DCAF1: variants seen among roughly 807,000 people sequenced by gnomAD.
DCAF1 encodes DDB1 and CUL4 associated factor 1, also known as DDB1- and CUL4-associated factor 1.
Under a neutral mutation model 128.0 loss-of-function variants are expected in DCAF1, and 15 were observed. The observed-to-expected ratio is 0.12, with a 90% CI of 0.08 to 0.18. The LOEUF (loss-of-function observed/expected upper bound fraction) is 0.18, where lower values mean the gene tolerates loss of function less well. DCAF1 is among the 10% of genes least tolerant of loss of function. The pLI, the probability that DCAF1 is intolerant of heterozygous loss-of-function variation, is 1.00. For missense variants in DCAF1, 988 were observed against 1,649.5 expected (o/e 0.60, Z 6.95); for synonymous variants, 610 against 603.0 (o/e 1.01, Z -0.17).
chr3:51,434,856 A>G (rs1286564781), intron 9 of DCAF1, among the ~76,000 whole-genome samples: 1 of 152,234 alleles, frequency 6.6e-6, no homozygotes, highest in Non-Finnish European at 1.5e-5. Context: ...TAATCCAAGC[A>G]GCAGGCTGCT....
intron 8 of DCAF1, 73 bp downstream of exon 8, chr3:51,441,312 A>G: frequency 2.0e-6 from 3 of 1,481,162 alleles, no homozygotes; most frequent in Non-Finnish European, 2.7e-6. Flanking sequence ...TGTATAAAAT[A>G]CTACCATAAA....
At chr3:51,411,904 G>A (rs1389494190) in intron 23 of DCAF1, among the ~76,000 whole-genome samples, 1 of 151,748 alleles carries the variant, frequency 6.6e-6, no homozygotes, top group African/African-American at 2.4e-5. Flanking sequence ...GAGGTCAGGA[G>A]GTTCGAGACC....
intron 1 of DCAF1, among the ~76,000 whole-genome samples, chr3:51,499,543 G>T (rs1380584707): frequency 6.6e-6 from 1 of 152,094 alleles, no homozygotes; most frequent in Non-Finnish European, 1.5e-5. Flanking sequence ...AAGAAAACAA[G>T]GGAAATGAAA....
chr3:51,457,056 G>A (rs1038664578), intron 6 of DCAF1, among the ~76,000 whole-genome samples: 10 of 152,228 alleles, frequency 6.6e-5, no homozygotes, highest in South Asian at 4.1e-4. Flanking sequence ...GAACAAAGCT[G>A]GACGGAGAAT....
chr3:51,426,832 GT>G (rs1274522249), intron 13 of DCAF1, among the ~76,000 whole-genome samples: 39 of 150,638 alleles, frequency 2.6e-4, no homozygotes, highest in African/African-American at 9.0e-4. Context: ...TTTCAAAACA[GT>G]TTTATTTCTT....
chr3:51,431,519 C>CAAAAAAAAAA (rs5848921), intron 10 of DCAF1, among the ~76,000 whole-genome samples: 1 of 64,132 alleles, frequency 1.6e-5, no homozygotes. Flanking sequence ...GATTCCGTCT[C>CAAAAAAAAAA]AAAAAAAAAA....
rs1481204080 is a variant in DCAF1 at position 51,434,886 on chromosome 3, CCAA to C, written c.1129-1625_1129-1623del. On this transcript the variant is annotated intron_variant, in intron 9 of 24. Transcript: ENST00000684031. ...GCTGCTTGATGACTCTGAACCTAGG[CCAA>C]CATAGACAGGGCCTTGGGAAAGCTA... Among the ~76,000 whole-genome samples the C allele has an allele frequency of 1.7e-4, 26 of 152,230 alleles. No homozygotes were observed. The South Asian group carries it at 5.0e-3, about 29-fold the overall frequency.
At chr3:51,414,172 G>T in intron 19 of DCAF1, 129 bp from the exon 20 acceptor site, 1 of 1,267,470 alleles carries the variant, frequency 7.9e-7, no homozygotes, top group Non-Finnish European at 1.0e-6. Context: ...TGAGATCAAG[G>T]TAAAACAAAT....
intron 4 of DCAF1, among the ~76,000 whole-genome samples, chr3:51,467,935 C>G (rs1285129860): frequency 1.3e-5 from 2 of 152,162 alleles, no homozygotes; most frequent in Non-Finnish European, 2.9e-5. Context: ...CAAGTCCAAC[C>G]TCTCCTTCCA....
intron 6 of DCAF1, among the ~76,000 whole-genome samples, chr3:51,454,554 G>C (rs1341677440): frequency 6.6e-6 from 1 of 151,840 alleles, no homozygotes; most frequent in Non-Finnish European, 1.5e-5. Flanking sequence ...GTAGAGACAG[G>C]GTTTTGCCAT....
chr3:51,401,056 C>T (rs556782262), intron 24 of DCAF1, among the ~76,000 whole-genome samples: 33 of 150,616 alleles, frequency 2.2e-4, no homozygotes, highest in Admixed American at 4.0e-4. Flanking sequence ...GGCATGAACC[C>T]GGGAGGCGGA....
chr3:51,456,990 C>G (rs1338784570), intron 6 of DCAF1, among the ~76,000 whole-genome samples: 1 of 152,166 alleles, frequency 6.6e-6, no homozygotes, highest in Non-Finnish European at 1.5e-5. Context: ...ACTGGAAACT[C>G]TAAAAATCAG....
chr3:51,399,068 C>T (rs782323900), intron 24 of DCAF1, among the ~76,000 whole-genome samples: 25 of 152,256 alleles, frequency 1.6e-4, no homozygotes, highest in Non-Finnish European at 3.2e-4. Flanking sequence ...AGTTCCCCTG[C>T]TTCCTGCCTG....
chr3:51,419,567 A>T (rs1293271295), intron 15 of DCAF1, among the ~76,000 whole-genome samples, 167 bp downstream of exon 15: 3 of 152,198 alleles, frequency 2.0e-5, no homozygotes, highest in African/African-American at 7.2e-5. Flanking sequence ...GCCAACAATC[A>T]CACAAGGAAC....
At chr3:51,466,399 A>G (rs565940093) in intron 5 of DCAF1, among the ~76,000 whole-genome samples, 1 of 152,302 alleles carries the variant, frequency 6.6e-6, no homozygotes, top group East Asian at 1.9e-4. Flanking sequence ...TCAGGAGCTG[A>G]GTAAAATATG....
At position 51,398,792 on chromosome 3, in the gene DCAF1, T is replaced by C. The variant is rs1553624008; in HGVS notation, c.4501A>G (p.Ile1501Val). 3.1e-6 allele frequency: 5 copies of C among 1,591,342 alleles called. No individual in the cohort carries two copies. In the East Asian group the frequency reaches 9.0e-5, roughly 29 times the overall value. The part of the protein sequence containing the change: ...SSDNSDLEDD[I>V]ILSLNE ...CCTCACTCATTCAGAGATAAGATGA[T>C]GTCATCTTCCAAATCAGAGTTGTCA... Residue 1501 changes from isoleucine to valine, a missense_variant, in exon 25 of 25, where the codon ATC (isoleucine) becomes GTC (valine). Physicochemically the swap from Ile to Val is conservative, Grantham distance 29 (BLOSUM62 3). Coordinates refer to ENST00000684031, the MANE Select transcript of DCAF1 (RefSeq NM_001387579.1).
rs782318876 is a variant in DCAF1 at position 51,483,775 on chromosome 3, C to T, written c.54G>A (p.Leu18=). ...TGCCATGTTCCTTTTCCCACTGCTCCAGCAGGGTAGTGAGCTCAGCTTTGG... is the reference window on the plus strand; with the variant it reads ...TGCCATGTTCCTTTTCCCACTGCTCTAGCAGGGTAGTGAGCTCAGCTTTGG... ...VDSKAELTTL[L]EQWEKEHGSG... is the part of the protein sequence containing the mutation. Residue 18 remains leucine, a synonymous_variant, in exon 3 of 25, where the codon CTG becomes CTA. Coordinates refer to ENST00000684031, the MANE Select transcript of DCAF1 (RefSeq NM_001387579.1). 7 of 1,613,666 alleles carry T rather than the reference C, an allele frequency of 4.3e-6. No individual in the cohort carries two copies. In the Admixed American group the frequency reaches 1.0e-4, roughly 23 times the overall value.
At chr3:51,437,405 T>C (rs1700949803) in intron 9 of DCAF1, 1 of 511,578 alleles carries the variant, frequency 2.0e-6, no homozygotes, top group Non-Finnish European at 3.9e-6. Context: ...TTATCCATGA[T>C]GACTAAGCTG....
intron 23 of DCAF1, 23 bp downstream of exon 23, chr3:51,412,356 A>G (rs781936023): frequency 6.2e-7 from 1 of 1,613,630 alleles, no homozygotes; most frequent in Non-Finnish European, 8.5e-7. Flanking sequence ...GTTCAGCAGA[A>G]AGAAATCTCA....
Sources: allele counts gnomAD v4.1 joint callset (sites outside exome capture counted in the v4.1 genomes callset), GRCh38; gene constraint gnomAD v4.1.1; transcripts MANE v1.5; gene names NCBI Gene and HGNC (gene_info 2026-07-23, HGNC 2026-07-21).